AUTS2: variants seen among roughly 807,000 people sequenced by gnomAD.
The protein encoded by AUTS2 is autism susceptibility gene 2 protein.
Under a neutral mutation model 112.4 loss-of-function variants are expected in AUTS2, and 17 were observed. The ratio of observed to expected loss-of-function variants is 0.15; its 90% confidence interval spans 0.10 to 0.23. AUTS2 has a LOEUF of 0.23. Ranked by LOEUF, AUTS2 falls within the 10% of genes least tolerant of loss-of-function variation. The probability of loss-of-function intolerance (pLI) is 1.00; values close to 1 mark genes in which losing one functional copy is unlikely to be tolerated. For synonymous variants in AUTS2, 751 were observed against 702.7 expected (o/e 1.07, Z -1.09); for missense variants, 1,510 against 1,701.6 (o/e 0.89, Z 1.98).
chr7:70,308,536 A>G (rs1477653840), intron 4 of AUTS2, among the ~76,000 whole-genome samples: 2 of 152,224 alleles, frequency 1.3e-5, no homozygotes, highest in Admixed American at 6.5e-5. Flanking sequence ...ATTGCCCTAA[A>G]GTATTGAGCT....
intron 1 of AUTS2, among the ~76,000 whole-genome samples, chr7:69,720,484 G>A (rs563535423): frequency 6.6e-6 from 1 of 152,282 alleles, no homozygotes; most frequent in South Asian, 2.1e-4. Flanking sequence ...GGATGAAATA[G>A]GAGAGCTTGC....
At chr7:70,566,612 T>C (rs567702280) in intron 5 of AUTS2, among the ~76,000 whole-genome samples, 2 of 152,336 alleles carry the variant, frequency 1.3e-5, no homozygotes, top group East Asian at 3.9e-4. Flanking sequence ...TTTAACTGTT[T>C]CCCACTGTTT....
At chr7:70,228,769 C>T (rs1178752720) in intron 4 of AUTS2, among the ~76,000 whole-genome samples, 9 of 151,986 alleles carry the variant, frequency 5.9e-5, no homozygotes, top group African/African-American at 2.2e-4. Flanking sequence ...TTATCACATA[C>T]ATCTATATAT....
chr7:70,145,311 G>A (rs1381425774), intron 4 of AUTS2, among the ~76,000 whole-genome samples: 2 of 152,020 alleles, frequency 1.3e-5, no homozygotes, highest in African/African-American at 2.4e-5. Context: ...TGTAGCCATC[G>A]TGTACAACTG....
At chr7:69,624,061 T>G (rs916938401) in intron 1 of AUTS2, among the ~76,000 whole-genome samples, 1 of 152,226 alleles carries the variant, frequency 6.6e-6, no homozygotes, top group African/African-American at 2.4e-5. Context: ...TAAGTTTGTG[T>G]TGTTTATCTA....
chr7:69,937,590 G>C (rs1796465742), intron 2 of AUTS2, among the ~76,000 whole-genome samples: 1 of 152,142 alleles, frequency 6.6e-6, no homozygotes, highest in African/African-American at 2.4e-5. Flanking sequence ...TTGTCTCTGG[G>C]GGTATGTGAG....
chr7:70,281,718 C>T (rs1021859056), intron 4 of AUTS2, among the ~76,000 whole-genome samples: 1 of 151,780 alleles, frequency 6.6e-6, no homozygotes, highest in African/African-American at 2.4e-5. Context: ...TTTGAAGATT[C>T]GGAGTAATGT....
chr7:70,555,427 G>A (rs1472134352), intron 5 of AUTS2, among the ~76,000 whole-genome samples: 1 of 152,224 alleles, frequency 6.6e-6, no homozygotes, highest in African/African-American at 2.4e-5. Flanking sequence ...TGAGTATGCT[G>A]AGCACATTGT....
intron 5 of AUTS2, among the ~76,000 whole-genome samples, chr7:70,438,224 G>A (rs529251341): frequency 6.6e-6 from 1 of 152,296 alleles, no homozygotes; most frequent in South Asian, 2.1e-4. Context: ...AGTGCAAGAA[G>A]TAAAGTGTCG....
intron 2 of AUTS2, among the ~76,000 whole-genome samples, chr7:69,993,695 C>T (rs1050982556): frequency 2.6e-5 from 4 of 151,810 alleles, no homozygotes; most frequent in African/African-American, 9.7e-5. Flanking sequence ...GATCATATTA[C>T]TGCACTTTAG....
intron 4 of AUTS2, among the ~76,000 whole-genome samples, chr7:70,282,192 A>C (rs1788249728): frequency 6.6e-6 from 1 of 152,142 alleles, no homozygotes; most frequent in African/African-American, 2.4e-5. Flanking sequence ...GTAAAATCGT[A>C]GGCCTTTTCT....
chr7:69,737,501 C>T (rs953808049), intron 1 of AUTS2, among the ~76,000 whole-genome samples: 4 of 151,988 alleles, frequency 2.6e-5, no homozygotes, highest in Admixed American at 6.6e-5. Context: ...TTGCCTAGTC[C>T]GGGTTATCTC....
At chr7:70,385,932 A>G (rs970969577) in intron 4 of AUTS2, among the ~76,000 whole-genome samples, 1 of 152,072 alleles carries the variant, frequency 6.6e-6, no homozygotes, top group Non-Finnish European at 1.5e-5. Context: ...ACTCAACAGT[A>G]TGGTTACTTA....
At chr7:70,596,847 T>TC (rs1363728008) in intron 5 of AUTS2, 3 of 152,126 alleles carry the variant, frequency 2.0e-5, no homozygotes, top group African/African-American at 7.2e-5. Flanking sequence ...AAATATAATT[T>TC]CATGGCAGAA....
intron 1 of AUTS2, among the ~76,000 whole-genome samples, chr7:69,674,568 T>C (rs957211680): frequency 6.8e-6 from 1 of 147,194 alleles, no homozygotes; most frequent in East Asian, 2.0e-4. Context: ...TTAATAATAA[T>C]AGCTATTAAA....
chr7:70,359,653 G>C (rs1406833761), intron 4 of AUTS2, among the ~76,000 whole-genome samples: 1 of 152,142 alleles, frequency 6.6e-6, no homozygotes, highest in African/African-American at 2.4e-5. Flanking sequence ...CTTCCAAGGA[G>C]AGTGTTCATC....
At chr7:70,065,804 C>T (rs1419043489) in intron 2 of AUTS2, among the ~76,000 whole-genome samples, 4 of 152,166 alleles carry the variant, frequency 2.6e-5, no homozygotes, top group African/African-American at 9.7e-5. Context: ...TTCTTGGTCT[C>T]AGGGAATCCT....
At chr7:70,402,691 G>T (rs1794375521) in intron 4 of AUTS2, among the ~76,000 whole-genome samples, 1 of 152,154 alleles carries the variant, frequency 6.6e-6, no homozygotes, top group Non-Finnish European at 1.5e-5. Context: ...CTTCTTAACT[G>T]TGTGACCTGG....
intron 5 of AUTS2, among the ~76,000 whole-genome samples, chr7:70,461,204 A>G (rs1207795162): frequency 7.0e-6 from 1 of 143,624 alleles, no homozygotes; most frequent in African/African-American, 2.7e-5. Context: ...AAGGGCAGAA[A>G]AAAGGAACTC....
Sources: gnomAD v4.1 joint callset for allele counts (sites outside exome capture counted in the v4.1 genomes callset) on GRCh38, gnomAD v4.1.1 for gene constraint, MANE v1.5 for transcripts, NCBI Gene and HGNC (gene_info 2026-07-23, HGNC 2026-07-21) for gene names.